EPRS1: variants seen among roughly 807,000 people sequenced by gnomAD.
The protein encoded by EPRS1 is glutamyl-prolyl-tRNA synthetase 1.
In EPRS1, 107 loss-of-function variants were observed where a neutral mutation model predicts 188.3. That is an observed-to-expected ratio of 0.57 (90% confidence interval 0.49 to 0.67). EPRS1 has a LOEUF of 0.67. Ranked by LOEUF, EPRS1 falls within the 30% of genes least tolerant of loss-of-function variation. The pLI, the probability that EPRS1 is intolerant of heterozygous loss-of-function variation, is 0.00. For missense variants in EPRS1, 1,577 were observed against 1,802.2 expected (o/e 0.88, Z 2.26); for synonymous variants, 596 against 593.1 (o/e 1.00, Z -0.07).
chr1:219,991,775 A>C (rs1661128393), intron 18 of EPRS1, among the ~76,000 whole-genome samples: 1 of 152,128 alleles, frequency 6.6e-6, no homozygotes, highest in Non-Finnish European at 1.5e-5. Flanking sequence ...CTGCTTATCA[A>C]CTGGGCTGAT....
intron 1 of EPRS1, among the ~76,000 whole-genome samples, chr1:220,043,230 A>G (rs1334437942): frequency 6.7e-6 from 1 of 148,246 alleles, no homozygotes; most frequent in African/African-American, 2.5e-5. Flanking sequence ...CATTTGTCAC[A>G]TTGTACACAT....
intron 16 of EPRS1, among the ~76,000 whole-genome samples, chr1:220,003,807 G>T (rs1250143390): frequency 6.6e-6 from 1 of 152,134 alleles, no homozygotes; most frequent in Non-Finnish European, 1.5e-5. Context: ...AAGGAAATGT[G>T]ATATTAAAAT....
At chr1:219,981,100 T>C (rs1291562300) in intron 24 of EPRS1, among the ~76,000 whole-genome samples, 1 of 152,076 alleles carries the variant, frequency 6.6e-6, no homozygotes, top group Non-Finnish European at 1.5e-5. Context: ...GGTTTTGCCA[T>C]GTTGCCCAGG....
intron 20 of EPRS1, among the ~76,000 whole-genome samples, chr1:219,985,208 A>C (rs1396613138): frequency 6.6e-6 from 1 of 152,134 alleles, no homozygotes; most frequent in Non-Finnish European, 1.5e-5. Context: ...ATGTATTTGT[A>C]ATAGAGACAC....
chr1:219,994,375 C>T (rs1010185914), intron 18 of EPRS1, among the ~76,000 whole-genome samples: 1 of 152,158 alleles, frequency 6.6e-6, no homozygotes, highest in African/African-American at 2.4e-5. Flanking sequence ...CCACCCAAAA[C>T]CCTGAACTAG....
intron 24 of EPRS1, 84 bp downstream of exon 24, chr1:219,981,294 G>C: frequency 2.3e-6 from 2 of 871,518 alleles, no homozygotes; most frequent in Non-Finnish European, 3.4e-6. Context: ...CCAATCCTTT[G>C]AAAATAAAAA....
rs1553253686 is a variant in EPRS1, at chr1:220,025,795, G to GAT, written c.624-538_624-537insAT. 9.2e-5 allele frequency among the ~76,000 whole-genome samples: 13 copies of GAT among 141,550 alleles called. 1 individual carries two copies. The highest frequency in any genetic ancestry group is 1.2e-4 in the Non-Finnish European group (8 of 64,266). 92.9% of individuals were successfully genotyped at this position (141,550 alleles called of 152,430 possible). ...GGTTTTCTCAGATGCCAAAATAAAA[G>GAT]TTTTTTTTTTTTTTTTTGAGACGGA... On this transcript the variant is annotated intron_variant, in intron 6 of 31. Transcript: ENST00000366923.
At chr1:219,990,762 A>G (rs1768669) in intron 18 of EPRS1, among the ~76,000 whole-genome samples, 131,441 of 152,204 alleles carry the variant, frequency 0.86, 57,177 homozygotes, top group African/African-American at 0.97. Flanking sequence ...GAACAAATGG[A>G]TGGAGAACAA....
In EPRS1 at chr1:220,010,996, T is replaced by C. The variant is rs2102583550; in HGVS notation, c.1555A>G (p.Asn519Asp). 2 of 1,613,794 alleles carry C rather than the reference T, an allele frequency of 1.2e-6. No homozygotes were observed. The highest frequency in any genetic ancestry group is 2.7e-5 in the African/African-American group (2 of 75,036). Reference sequence around the variant, plus strand: ...ATCTCCTCCTGAGCTTCAGGTACATTCACTGGGATCACTTCTTTCTTCAGT... The same window carrying C: ...ATCTCCTCCTGAGCTTCAGGTACATCCACTGGGATCACTTCTTTCTTCAGT... ...ALLKKEVIPV[N>D]VPEAQEEMKE... Residue 519 changes from asparagine (N) to aspartate (D), a missense_variant, in exon 13 of 32, where the codon AAT becomes GAT. Coordinates refer to ENST00000366923, the MANE Select transcript of EPRS1 (RefSeq NM_004446.3).
Position 220,033,501 on chromosome 1 carries a change from C to A in EPRS1, c.388+1G>T. ...AGAGGATTATTAAGAATTATTGATA[C>A]CTTTTAGGGTGGCCCAAACACATAA... On this transcript the variant is annotated splice_donor_variant, in intron 4 of 31. Transcript: ENST00000366923. LOFTEE classifies it high-confidence loss of function. 1.3e-6 allele frequency: 2 copies of A among 1,586,452 alleles called. No homozygotes were observed. Among genetic ancestry groups the A allele is most frequent in the Non-Finnish European group, 1.7e-6 (2 of 1,169,290 alleles).
At chr1:219,986,519 C>T (rs1661008952) in intron 20 of EPRS1, among the ~76,000 whole-genome samples, 1 of 151,994 alleles carries the variant, frequency 6.6e-6, no homozygotes. Flanking sequence ...ATATGTAGTC[C>T]ACTGTTGACT....
intron 20 of EPRS1, among the ~76,000 whole-genome samples, chr1:219,985,112 A>G (rs1660982204): frequency 6.6e-6 from 1 of 151,990 alleles, no homozygotes; most frequent in Non-Finnish European, 1.5e-5. Context: ...GTTGAGAGAT[A>G]TTGTCCACAA....
intron 20 of EPRS1, among the ~76,000 whole-genome samples, chr1:219,986,243 T>C (rs2789794): frequency 0.81 from 122,826 of 152,188 alleles, 49,692 homozygotes; most frequent in East Asian, 0.94. Context: ...TGGAAACAGA[T>C]AAAAAATTAC....
chr1:219,977,342 C>A (rs1660800325), intron 28 of EPRS1, among the ~76,000 whole-genome samples: 1 of 152,016 alleles, frequency 6.6e-6, no homozygotes, highest in South Asian at 2.1e-4. Flanking sequence ...ACTAAGAATA[C>A]CTCCCCAGCA....
At position 219,979,582 on chromosome 1, in the gene EPRS1, A is replaced by G; in HGVS notation, c.3745T>C (p.Ser1249Pro). 6.2e-7 allele frequency: 1 copy of G among 1,613,852 alleles called. No individual in the cohort carries two copies. Among genetic ancestry groups the G allele is most frequent in the East Asian group, 2.2e-5 (1 of 44,860 alleles). Reference protein sequence around the residue: ...GTSHHLGQNFSKMFEIVFEDP... With the variant: ...GTSHHLGQNFPKMFEIVFEDP... ...TCAAAAACGATTTCAAACATTTTGG[A>G]AAAATTCTGCCCTAAATGATGTGAT... is the stretch of plus-strand genomic sequence containing the variant. Residue 1249 changes from serine (S) to proline (P), a missense_variant, in exon 27 of 32, where the codon TCC becomes CCC. This residue lies in a region of EPRS1 where 296 missense variants were observed against 327.9 expected (regional missense o/e 0.90). Transcript: ENST00000366923.
intron 2 of EPRS1, among the ~76,000 whole-genome samples, chr1:220,035,727 G>T (rs113365059): frequency 6.6e-6 from 1 of 151,856 alleles, no homozygotes; most frequent in African/African-American, 2.4e-5. Flanking sequence ...TACTCAGAAG[G>T]CTGAGGCACA....
At position 219,988,703 on chromosome 1, in the gene EPRS1, T is replaced by C. The variant is rs761511584; in HGVS notation, c.2662A>G (p.Thr888Ala). 1.2e-5 allele frequency: 20 copies of C among 1,613,910 alleles called. No individual in the cohort carries two copies. The highest frequency in any genetic ancestry group is 3.3e-5 in the South Asian group (3 of 91,084). Residue 888 changes from threonine to alanine, a missense_variant, in exon 19 of 32, where the codon ACC becomes GCC. Physicochemically the swap from Thr to Ala is moderately conservative, Grantham distance 58 (BLOSUM62 0). Transcript: ENST00000366923. Reference protein sequence around the residue: ...PLSQSSDSSPTRNSEPAGLET... With the variant: ...PLSQSSDSSPARNSEPAGLET... ...AAACCAGCAGGTTCAGAATTTCTGG[T>C]TGGGCTTGAATCCGAACTTTGAGAT...
intron 16 of EPRS1, among the ~76,000 whole-genome samples, chr1:220,003,409 G>C (rs961405803): frequency 2.0e-5 from 3 of 152,086 alleles, no homozygotes; most frequent in Non-Finnish European, 4.4e-5. Context: ...TGTTAATCTT[G>C]ATGAAGTCCA....
chr1:220,028,078 C>T (rs557225185), intron 6 of EPRS1, among the ~76,000 whole-genome samples: 1 of 151,940 alleles, frequency 6.6e-6, no homozygotes, highest in Admixed American at 6.6e-5. Context: ...ATTTTTGCAA[C>T]TTTGTGTAAA....
Sources: allele counts gnomAD v4.1 joint callset (sites outside exome capture counted in the v4.1 genomes callset), GRCh38; gene constraint gnomAD v4.1.1; regional missense constraint gnomAD v4.1.1; transcripts MANE v1.5; gene names NCBI Gene and HGNC (gene_info 2026-07-23, HGNC 2026-07-21).